Variants in DDO observed in about 807,000 individuals in gnomAD.
The protein encoded by DDO is D-aspartate oxidase, also known as D-aspartate oxidase, DDO.
A neutral mutation model predicts 16.8 loss-of-function variants in DDO; 16 were observed. That is an observed-to-expected ratio of 0.95 (90% confidence interval 0.65 to 1.45). The LOEUF (loss-of-function observed/expected upper bound fraction) is 1.45, where lower values mean the gene tolerates loss of function less well. Among genes scored for constraint, DDO ranks in the 40% most tolerant of loss-of-function variants. The pLI is 0.00. For missense variants in DDO, 429 were observed against 420.3 expected (o/e 1.02, Z -0.18); for synonymous variants, 180 against 167.2 (o/e 1.08, Z -0.59).
At chr6:110,406,428 T>C (rs1403383748) in intron 3 of DDO, among the ~76,000 whole-genome samples, 1 of 152,152 alleles carries the variant, frequency 6.6e-6, no homozygotes, top group Non-Finnish European at 1.5e-5. Context: ...TCATACACCA[T>C]CAACTGACAA....
downstream of DDO, chr6:110,388,760 C>T (rs1476123370): frequency 3.1e-6 from 3 of 980,382 alleles, no homozygotes; most frequent in African/African-American, 5.3e-5. Context: ...GCCACAAAGG[C>T]CAGACACTTG....
chr6:110,406,401 C>G (rs1383992919), intron 3 of DDO, among the ~76,000 whole-genome samples: 1 of 152,130 alleles, frequency 6.6e-6, no homozygotes, highest in Non-Finnish European at 1.5e-5. Flanking sequence ...CCTTGATTCT[C>G]TCTCCCTACT....
chr6:110,398,801 C>T (rs929088501), intron 4 of DDO, among the ~76,000 whole-genome samples: 5 of 152,174 alleles, frequency 3.3e-5, no homozygotes, highest in East Asian at 3.9e-4. Flanking sequence ...AGAGGAGGGG[C>T]GAGGAAAGTA....
intron 2 of DDO, among the ~76,000 whole-genome samples, chr6:110,410,220 T>A (rs1773805828): frequency 6.6e-6 from 1 of 152,180 alleles, no homozygotes; most frequent in Non-Finnish European, 1.5e-5. Flanking sequence ...AAAACCCTGG[T>A]CCAGGAGAAC....
chr6:110,414,060 C>T (rs892892491), intron 1 of DDO, among the ~76,000 whole-genome samples: 1 of 152,178 alleles, frequency 6.6e-6, no homozygotes, highest in African/African-American at 2.4e-5. Context: ...GCGTGAGCCA[C>T]CATGCCCGGC....
At chr6:110,402,098 TC>T (rs2114823333) in intron 4 of DDO, among the ~76,000 whole-genome samples, 1 of 152,308 alleles carries the variant, frequency 6.6e-6, no homozygotes, top group South Asian at 2.1e-4. Context: ...TCTGTACTAT[TC>T]AAGCTTGTAA....
chr6:110,394,414 CTT>C (rs762920775), intron 4 of DDO, among the ~76,000 whole-genome samples: 1 of 152,138 alleles, frequency 6.6e-6, no homozygotes, highest in African/African-American at 2.4e-5. Context: ...GCCTCCAGAA[CTT>C]TTTTAATCTT....
chr6:110,403,560 G>T (rs914233223), intron 4 of DDO, among the ~76,000 whole-genome samples: 1 of 152,200 alleles, frequency 6.6e-6, no homozygotes, highest in Admixed American at 6.5e-5. Context: ...GCCAGAAAAG[G>T]CATGGGTTTT....
intron 3 of DDO, among the ~76,000 whole-genome samples, chr6:110,407,742 G>T (rs902705241): frequency 6.6e-6 from 1 of 152,196 alleles, no homozygotes; most frequent in African/African-American, 2.4e-5. Context: ...TAATAGAAAT[G>T]TCAAATAGCA....
intron 4 of DDO, among the ~76,000 whole-genome samples, chr6:110,402,349 T>A (rs1389404419): frequency 6.6e-6 from 1 of 152,202 alleles, no homozygotes; most frequent in East Asian, 1.9e-4. Flanking sequence ...GATACCCTTG[T>A]TCTGAGAGCA....
chr6:110,400,040 C>T (rs1177964223), intron 4 of DDO, among the ~76,000 whole-genome samples: 1 of 152,202 alleles, frequency 6.6e-6, no homozygotes, highest in African/African-American at 2.4e-5. Context: ...TTGCCGTCCT[C>T]GCAGCCCCAA....
chr6:110,411,227 C>T (rs934464255), intron 2 of DDO, among the ~76,000 whole-genome samples: 6 of 152,204 alleles, frequency 3.9e-5, no homozygotes, highest in Admixed American at 2.0e-4. Context: ...TGCCCTCTTA[C>T]TCCAGTGAGC....
chr6:110,401,674 T>C (rs557484039), intron 4 of DDO, among the ~76,000 whole-genome samples: 52 of 152,272 alleles, frequency 3.4e-4, no homozygotes, highest in African/African-American at 1.2e-3. Flanking sequence ...GAAAGCAAAC[T>C]ATATAGATGG....
downstream of DDO, chr6:110,388,922 A>C: frequency 2.1e-6 from 1 of 474,948 alleles, no homozygotes; most frequent in Non-Finnish European, 2.8e-6. Flanking sequence ...TTATATAAAC[A>C]TTGAAATCTT....
At chr6:110,393,833 A>G (rs777657370) in intron 4 of DDO, among the ~76,000 whole-genome samples, 1 of 152,202 alleles carries the variant, frequency 6.6e-6, no homozygotes, top group Non-Finnish European at 1.5e-5. Context: ...GTCCACAACT[A>G]TGTTAGCACG....
intron 1 of DDO, among the ~76,000 whole-genome samples, chr6:110,415,221 C>T (rs1022469860): frequency 6.6e-6 from 1 of 152,218 alleles, no homozygotes. Flanking sequence ...ATTGACTTCG[C>T]TGTTTCACAT....
At position 110,392,685 on chromosome 6, in the gene DDO, T is replaced by C; in HGVS notation, c.*90A>G. 1.4e-6 allele frequency: 2 copies of C among 1,427,194 alleles called. No homozygotes were observed. The highest frequency in any genetic ancestry group is 1.4e-5 in the African/African-American group (1 of 70,068). The allele number at this position is 1,427,194 out of a possible 1,614,324, so 88.4% of individuals were successfully genotyped here. A position where few individuals can be genotyped will look rare whatever the true frequency, so the allele number is the denominator to read the frequency against. On this transcript the variant is annotated 3_prime_UTR_variant, in exon 5 of 5. Transcript: ENST00000368924. ...ATGTTGAAAACAAAGAAATGTCTAA[T>C]TAAACTTTCATGCAGTGGAAAAGTT...
chr6:110,390,298 A>G (rs1310944867), downstream of DDO, among the ~76,000 whole-genome samples: 2 of 152,182 alleles, frequency 1.3e-5, no homozygotes, highest in Non-Finnish European at 2.9e-5. Context: ...TTAAGTAAAC[A>G]CTGATGCAGC....
chr6:110,414,884 G>T (rs933098078), intron 1 of DDO, among the ~76,000 whole-genome samples: 1 of 152,236 alleles, frequency 6.6e-6, no homozygotes, highest in Non-Finnish European at 1.5e-5. Context: ...TGGAAGGCTG[G>T]GCAGCTTCCT....
Sources: gnomAD v4.1 joint callset for allele counts (sites outside exome capture counted in the v4.1 genomes callset) on GRCh38, gnomAD v4.1.1 for gene constraint, MANE v1.5 for transcripts, NCBI Gene and HGNC (gene_info 2026-07-23, HGNC 2026-07-21) for gene names.